The following CORO2B variants were observed in gnomAD, a reference collection of about 807,000 sequenced individuals.
CORO2B encodes coronin 2B.
In CORO2B, 26 loss-of-function variants were observed where a neutral mutation model predicts 58.8. The observed-to-expected ratio is 0.44, with a 90% CI of 0.32 to 0.61. The LOEUF is 0.61. Ranked by LOEUF, CORO2B falls within the 20% of genes least tolerant of loss-of-function variation. CORO2B has a pLI of 0.04. For missense variants in CORO2B, 460 were observed against 645.1 expected, an observed-to-expected ratio of 0.71 and a Z score of 3.11; for synonymous variants, 242 against 253.8, an observed-to-expected ratio of 0.95 and a Z score of 0.44.
intron 2 of CORO2B, among the ~76,000 whole-genome samples, chr15:68,664,967 A>C (rs1280859260): frequency 6.7e-6 from 1 of 150,078 alleles, no homozygotes; most frequent in Non-Finnish European, 1.5e-5. Flanking sequence ...TACTTTTTGC[A>C]GTGCAGATTT....
the CORO2B span, among the ~76,000 whole-genome samples, chr15:68,523,822 C>T: frequency 2.0e-5 from 3 of 152,208 alleles, no homozygotes; most frequent in Non-Finnish European, 2.9e-5. Context: ...AAGTGATGAC[C>T]AGATATTGAG....
rs1893088692 is a variant in CORO2B, at chr15:68,718,678, C to T, written c.968-20C>T. 2 of 1,603,442 alleles carry T rather than the reference C, an allele frequency of 1.2e-6. No individual in the cohort carries two copies. The highest frequency in any genetic ancestry group is 2.7e-5 in the African/African-American group (2 of 74,818). On this transcript the variant is annotated intron_variant, in intron 8 of 11. Coordinates refer to ENST00000261861, the MANE Select transcript of CORO2B (RefSeq NM_006091.5). Reference sequence around the variant, plus strand: ...CGCAGTTTCTGGGACCCCATGGAGCCACATGTGTGCCTGTTACAGGGGTCA... The same window carrying T: ...CGCAGTTTCTGGGACCCCATGGAGCTACATGTGTGCCTGTTACAGGGGTCA...
chr15:68,567,457 TA>T, the CORO2B span, among the ~76,000 whole-genome samples: 1 of 152,122 alleles, frequency 6.6e-6, no homozygotes, highest in African/African-American at 2.4e-5. Flanking sequence ...TAGTGGAAGA[TA>T]AGGGTTACTT....
chr15:68,551,952 G>A, the CORO2B span, among the ~76,000 whole-genome samples: 2 of 151,990 alleles, frequency 1.3e-5, no homozygotes, highest in Non-Finnish European at 2.9e-5. Context: ...ATGGCAGCAA[G>A]GATGGGTGGG....
chr15:68,619,035 ATCTCCCTAG>A (rs1900442639), intron 1 of CORO2B, among the ~76,000 whole-genome samples: 1 of 152,234 alleles, frequency 6.6e-6, no homozygotes, highest in Non-Finnish European at 1.5e-5. Flanking sequence ...TGGTAACAGC[ATCTCCCTAG>A]TCAGGTCAGC....
At chr15:68,550,039 T>TTGCTTCC in the CORO2B span, among the ~76,000 whole-genome samples, 388 of 152,256 alleles carry the variant, frequency 2.5e-3, no homozygotes, top group Admixed American at 4.3e-3. Context: ...GGCAAGTTCT[T>TTGCTTCC]TGCTTCCTGC....
At chr15:68,652,304 G>T (rs535954619) in intron 2 of CORO2B, among the ~76,000 whole-genome samples, 2 of 152,298 alleles carry the variant, frequency 1.3e-5, no homozygotes, top group Non-Finnish European at 2.9e-5. Context: ...CTGCAGATGG[G>T]GGAGCAATCA....
chr15:68,642,296 C>T (rs1566993073), intron 1 of CORO2B, among the ~76,000 whole-genome samples: 1 of 152,118 alleles, frequency 6.6e-6, no homozygotes, highest in Non-Finnish European at 1.5e-5. Flanking sequence ...TCTAGGTGTG[C>T]GTGGCTTCCA....
chr15:68,661,451 A>G (rs1173077376), intron 2 of CORO2B, among the ~76,000 whole-genome samples: 1 of 152,240 alleles, frequency 6.6e-6, no homozygotes, highest in Non-Finnish European at 1.5e-5. Context: ...ACATTCAACC[A>G]ATCCAGAAAA....
intron 3 of CORO2B, among the ~76,000 whole-genome samples, chr15:68,703,929 C>T (rs1892719545): frequency 6.6e-6 from 1 of 152,050 alleles, no homozygotes; most frequent in East Asian, 1.9e-4. Context: ...CTCGGTGGCT[C>T]ATGCCTGTAA....
chr15:68,569,268 T>TA, the CORO2B span, among the ~76,000 whole-genome samples: 2 of 152,190 alleles, frequency 1.3e-5, no homozygotes, highest in Non-Finnish European at 2.9e-5. Flanking sequence ...TTCACTGCCC[T>TA]AAAAATCCTC....
At chr15:68,714,355 C>A (rs1162336528) in intron 6 of CORO2B, among the ~76,000 whole-genome samples, 1 of 152,206 alleles carries the variant, frequency 6.6e-6, no homozygotes, top group African/African-American at 2.4e-5. Context: ...CCCTTGCCTC[C>A]TGTTTGTAAG....
chr15:68,612,744 G>A (rs1260744837), intron 1 of CORO2B, among the ~76,000 whole-genome samples: 4 of 152,188 alleles, frequency 2.6e-5, no homozygotes, highest in Non-Finnish European at 5.9e-5. Flanking sequence ...TCACGCCGCA[G>A]TCTCCTCCTC....
At chr15:68,535,252 C>T in the CORO2B span, among the ~76,000 whole-genome samples, 2 of 152,218 alleles carry the variant, frequency 1.3e-5, no homozygotes, top group Admixed American at 1.3e-4. Flanking sequence ...AACCCTTATC[C>T]TATGTTCTGC....
At chr15:68,697,093 CGATGGATGCATGGATGGATG>C (rs1006037536) in intron 3 of CORO2B, among the ~76,000 whole-genome samples, 9 of 151,908 alleles carry the variant, frequency 5.9e-5, no homozygotes, top group African/African-American at 2.2e-4. Context: ...TGGATGGGAT[CGATGGATGCATGGATGGATG>C]GATGGATTGT....
chr15:68,561,999 C>T, the CORO2B span, among the ~76,000 whole-genome samples: 2 of 152,156 alleles, frequency 1.3e-5, no homozygotes, highest in South Asian at 2.1e-4. Context: ...TGGCCTTGTC[C>T]CTTCTCTACC....
At chr15:68,623,761 C>T (rs1181845860) in intron 1 of CORO2B, among the ~76,000 whole-genome samples, 1 of 152,210 alleles carries the variant, frequency 6.6e-6, no homozygotes, top group African/African-American at 2.4e-5. Flanking sequence ...TGCTGGATCA[C>T]GGCTGCTGGG....
chr15:68,725,412 A>G (rs1233231266), intron 11 of CORO2B, among the ~76,000 whole-genome samples: 1 of 152,054 alleles, frequency 6.6e-6, no homozygotes, highest in African/African-American at 2.4e-5. Context: ...ATGTAATAAT[A>G]TATGTAATAC....
chr15:68,570,801 T>TTG, the CORO2B span, among the ~76,000 whole-genome samples: 2 of 128,336 alleles, frequency 1.6e-5, no homozygotes, highest in African/African-American at 6.3e-5. Flanking sequence ...TACACGTAGT[T>TTG]TTTTTTTTTT....
Sources: allele counts gnomAD v4.1 joint callset (sites outside exome capture counted in the v4.1 genomes callset), GRCh38; gene constraint gnomAD v4.1.1; transcripts MANE v1.5; gene names NCBI Gene and HGNC (gene_info 2026-07-23, HGNC 2026-07-21).